Variants in MACF1 observed in about 807,000 individuals in gnomAD.
The protein encoded by MACF1 is microtubule-actin cross-linking factor 1.
A neutral mutation model predicts 854.8 loss-of-function variants in MACF1; 193 were observed. The observed-to-expected ratio is 0.23, with a 90% CI of 0.20 to 0.25. MACF1 has a LOEUF of 0.25. MACF1 is among the 10% of genes least tolerant of loss of function. The pLI, the probability that MACF1 is intolerant of heterozygous loss-of-function variation, is 1.00. For synonymous variants in MACF1, 3,185 were observed against 3,226.7 expected (o/e 0.99, Z 0.44); for missense variants, 7,722 against 8,929.1 (o/e 0.86, Z 5.45).
chr1:39,268,100 C>A (rs1325965020), intron 6 of MACF1, among the ~76,000 whole-genome samples: 2 of 152,106 alleles, frequency 1.3e-5, no homozygotes, highest in African/African-American at 2.4e-5. Context: ...GTTTGGGAGC[C>A]ATAATTGCAG....
intron 97 of MACF1, among the ~76,000 whole-genome samples, chr1:39,477,999 A>ATTTTTTTT (rs36028217): frequency 2.6e-4 from 26 of 101,852 alleles, no homozygotes; most frequent in African/African-American, 9.0e-4. Context: ...TCAGAAGTGA[A>ATTTTTTTT]TTTTTTTTTT....
chr1:39,325,592 A>G (rs767430361), intron 35 of MACF1, among the ~76,000 whole-genome samples: 4 of 152,212 alleles, frequency 2.6e-5, no homozygotes, highest in Non-Finnish European at 5.9e-5. Context: ...AAAGGGGAGG[A>G]GATAATTAGA....
At position 39,436,485 on chromosome 1, in the gene MACF1, A is replaced by T. The variant is rs773197176; in HGVS notation, c.17988+724A>T. ...TTGACCGCGCCCACCATTACAGATT[A>T]CAGAGGTAAGGTACCCATCCCCATT... On this transcript the variant is annotated intron_variant, in intron 70 of 100. Transcript: ENST00000564288. 9.9e-6 allele frequency: 16 copies of T among 1,613,890 alleles called. No homozygotes were observed. The highest frequency in any genetic ancestry group is 1.6e-4 in the Middle Eastern group (1 of 6,084).
intron 7 of MACF1, among the ~76,000 whole-genome samples, chr1:39,282,939 G>C (rs1230670552): frequency 6.6e-6 from 1 of 152,188 alleles, no homozygotes; most frequent in Non-Finnish European, 1.5e-5. Flanking sequence ...CCAATTTTCA[G>C]TTCTAACCGA....
At chr1:39,369,533 G>A (rs1459091932) in intron 50 of MACF1, among the ~76,000 whole-genome samples, 1 of 152,148 alleles carries the variant, frequency 6.6e-6, no homozygotes, top group Non-Finnish European at 1.5e-5. Context: ...TGATAGATAT[G>A]GCCATTTCCA....
intron 29 of MACF1, among the ~76,000 whole-genome samples, chr1:39,318,111 A>C (rs972991845): frequency 6.6e-6 from 1 of 152,228 alleles, no homozygotes; most frequent in Non-Finnish European, 1.5e-5. Flanking sequence ...GTACTCTGTC[A>C]TCAGGGAATA....
intron 2 of MACF1, among the ~76,000 whole-genome samples, chr1:39,115,871 C>G (rs1170506277): frequency 6.6e-6 from 1 of 152,152 alleles, no homozygotes; most frequent in Non-Finnish European, 1.5e-5. Context: ...GAGAGTGTGA[C>G]ACACATTGTA....
At chr1:39,285,945 C>A (rs1230354285) in intron 14 of MACF1, among the ~76,000 whole-genome samples, 187 bp downstream of exon 14, 1 of 152,174 alleles carries the variant, frequency 6.6e-6, no homozygotes, top group African/African-American at 2.4e-5. Flanking sequence ...CCCCTTATTG[C>A]AGCTCCATCC....
chr1:39,318,685 T>C, intron 30 of MACF1, 70 bp downstream of exon 30: 1 of 1,423,982 alleles, frequency 7.0e-7, no homozygotes, highest in Non-Finnish European at 9.3e-7. Flanking sequence ...AAGAAAATGA[T>C]GTACTGGCAA....
chr1:39,224,942 T>TG, intron 1 of MACF1, among the ~76,000 whole-genome samples: 1 of 152,272 alleles, frequency 6.6e-6, no homozygotes, highest in Non-Finnish European at 1.5e-5. Flanking sequence ...CCCAGCGTTT[T>TG]GGGAGGCTGA....
At chr1:39,129,757 A>G (rs891499539) in intron 2 of MACF1, among the ~76,000 whole-genome samples, 1 of 152,102 alleles carries the variant, frequency 6.6e-6, no homozygotes, top group African/African-American at 2.4e-5. Flanking sequence ...TTTCTCCTTC[A>G]CTGACACCCT....
intron 2 of MACF1, among the ~76,000 whole-genome samples, chr1:39,086,454 A>G (rs759199499): frequency 6.6e-5 from 10 of 152,152 alleles, no homozygotes; most frequent in Non-Finnish European, 1.2e-4. Context: ...CCAGTAACAG[A>G]ATTTTAGAGC....
chr1:39,226,015 A>G (rs1406164694), intron 1 of MACF1, among the ~76,000 whole-genome samples: 1 of 152,222 alleles, frequency 6.6e-6, no homozygotes, highest in Non-Finnish European at 1.5e-5. Context: ...TTAAACCAGG[A>G]AAGAACTTTC....
chr1:39,334,788 A>G lies in MACF1; in HGVS notation c.8200A>G (p.Ile2734Val), dbSNP rs1571351624. Residue 2734 changes from isoleucine (I) to valine (V), a missense_variant, in exon 37 of 101, where the codon ATA (isoleucine) becomes GTA (valine). Ile to Val is a conservative substitution (Grantham distance 29). Coordinates refer to ENST00000564288, the MANE Select transcript of MACF1 (RefSeq NM_001394062.1). ...HQVLNGGIVD[I>V]FSDQRVTLVE... The stretch of plus-strand genomic sequence containing the variant: ...GGTGTTAAATGGAGGAATTGTTGAC[A>G]TATTTAGTGATCAGAGAGTGACTTT... 1 of 1,614,182 alleles carries G rather than the reference A, an allele frequency of 6.2e-7. No homozygotes were observed. Among genetic ancestry groups the G allele is most frequent in the African/African-American group, 1.3e-5 (1 of 75,054 alleles).
chr1:39,096,608 A>C (rs1263604147), intron 2 of MACF1, among the ~76,000 whole-genome samples: 5 of 150,316 alleles, frequency 3.3e-5, no homozygotes, highest in Admixed American at 3.3e-4. Flanking sequence ...AAAAAAAATC[A>C]GAAAGTTCCC....
In MACF1 at chr1:39,428,204, G is replaced by T; in HGVS notation, c.16720G>T (p.Ala5574Ser). Residue 5574 changes from alanine to serine, a missense_variant, in exon 63 of 101, where the codon GCT becomes TCT. Transcript: ENST00000564288. ...TGAGGTGGAGGTGCTCAACTGGCTGGCTGAGGTTGAGGACAAGCTCAGTTC... is the reference window on the plus strand; with the variant it reads ...TGAGGTGGAGGTGCTCAACTGGCTGTCTGAGGTTGAGGACAAGCTCAGTTC... ...EDEVEVLNWL[A>S]EVEDKLSSVF... 1.9e-6 allele frequency: 3 copies of T among 1,614,140 alleles called. No individual in the cohort carries two copies. Among genetic ancestry groups the T allele is most frequent in the Non-Finnish European group, 2.5e-6 (3 of 1,180,014 alleles).
chr1:39,299,342 C>T (rs868284771), intron 21 of MACF1: 1 of 454,324 alleles, frequency 2.2e-6, no homozygotes, highest in Middle Eastern at 3.4e-4. Context: ...ACTCTTTACT[C>T]TCATCGCATC....
chr1:39,230,278 A>G (rs138387631), intron 1 of MACF1, among the ~76,000 whole-genome samples: 56 of 152,318 alleles, frequency 3.7e-4, no homozygotes, highest in African/African-American at 1.3e-3. Flanking sequence ...ATTGTCACAT[A>G]TATCTTCACG....
rs547325011 is a variant in MACF1 at position 39,465,881 on chromosome 1, C to G, written c.21771+769C>G. On this transcript the variant is annotated intron_variant, in intron 95 of 100. Transcript: ENST00000564288. Reference sequence around the variant, plus strand: ...AAATGTTCTAGGCAAGTGGGAAGAACAGGGGATAAGAGAAAAAAACTAAAG... The same window carrying G: ...AAATGTTCTAGGCAAGTGGGAAGAAGAGGGGATAAGAGAAAAAAACTAAAG... Among the ~76,000 whole-genome samples, 115 of 152,192 alleles carry G rather than the reference C, an allele frequency of 7.6e-4. 1 individual carries two copies. Among genetic ancestry groups the G allele is most frequent in the Non-Finnish European group, 1.3e-3 (87 of 67,986 alleles).
Sources: allele counts gnomAD v4.1 joint callset (sites outside exome capture counted in the v4.1 genomes callset), GRCh38; gene constraint gnomAD v4.1.1; transcripts MANE v1.5; gene names NCBI Gene and HGNC (gene_info 2026-07-23, HGNC 2026-07-21).